The following CACNB4 variants were observed in gnomAD, a reference collection of about 807,000 sequenced individuals.
CACNB4 encodes the protein voltage-dependent L-type calcium channel subunit beta-4.
A neutral mutation model predicts 71.2 loss-of-function variants in CACNB4; 32 were observed. The ratio of observed to expected loss-of-function variants is 0.45; its 90% confidence interval spans 0.34 to 0.60. The LOEUF (loss-of-function observed/expected upper bound fraction) is 0.60. Among genes scored for constraint, CACNB4 ranks in the 20% least tolerant of loss-of-function variants. The pLI, the probability that CACNB4 is intolerant of heterozygous loss-of-function variation, is 0.01. For missense variants in CACNB4, 464 were observed against 647.9 expected (o/e 0.72, Z 3.08); for synonymous variants, 231 against 236.9 (o/e 0.97, Z 0.23).
intron 2 of CACNB4, among the ~76,000 whole-genome samples, chr2:152,014,012 A>T (rs1312341099): frequency 6.6e-6 from 1 of 152,214 alleles, no homozygotes; most frequent in Non-Finnish European, 1.5e-5. Flanking sequence ...ACCCTGTTAC[A>T]TGATGGGATG....
intron 2 of CACNB4, chr2:151,967,918 A>G (rs2099871579): frequency 6.6e-6 from 1 of 152,256 alleles, no homozygotes; most frequent in Non-Finnish European, 1.5e-5. Flanking sequence ...ATTTATAACT[A>G]AAACTATATA....
intron 2 of CACNB4, among the ~76,000 whole-genome samples, chr2:151,964,076 A>AT (rs1176015607): frequency 2.0e-5 from 3 of 151,190 alleles, no homozygotes; most frequent in Non-Finnish European, 4.4e-5. Flanking sequence ...ACAGAAAAAA[A>AT]AAAAAAAAAA....
intron 2 of CACNB4, among the ~76,000 whole-genome samples, chr2:152,018,250 G>T (rs1683457958): frequency 6.6e-6 from 1 of 152,094 alleles, no homozygotes; most frequent in African/African-American, 2.4e-5. Flanking sequence ...CAGAAACACA[G>T]CCAGCAATGA....
Position 152,098,286 on chromosome 2 carries a change from G to C in CACNB4, c.147+44C>G, listed in dbSNP as rs201679653. On this transcript the variant is annotated intron_variant, in intron 2 of 13. Coordinates refer to ENST00000539935, the MANE Select transcript of CACNB4 (RefSeq NM_000726.5). This position sits in a 1 kb window ranked among gnomAD's most constrained non-coding sequence, Gnocchi z 5.3. ...CGGCTCCAGGACCCCCGCGCCGCGC[G>C]CTCGGCCTCCTCCCCATCCTGGTCT... 6.6e-7 allele frequency: 1 copy of C among 1,508,600 alleles called. No homozygotes were observed. Among genetic ancestry groups the C allele is most frequent in the South Asian group, 1.1e-5 (1 of 88,894 alleles). The allele number at this position is 1,508,600 out of a possible 1,614,324, so 93.5% of individuals were successfully genotyped here.
intron 2 of CACNB4, among the ~76,000 whole-genome samples, chr2:151,904,909 G>A (rs1005779732): frequency 1.3e-5 from 2 of 152,132 alleles, no homozygotes; most frequent in African/African-American, 4.8e-5. Flanking sequence ...TTAGCTGTGT[G>A]GTAAGAGAGG....
intron 2 of CACNB4, among the ~76,000 whole-genome samples, chr2:151,887,213 C>G (rs1256890857): frequency 6.6e-6 from 1 of 151,806 alleles, no homozygotes; most frequent in Non-Finnish European, 1.5e-5. Flanking sequence ...TTCTAGCATT[C>G]TATTCATAAA....
Position 151,943,141 on chromosome 2 carries a change from G to A in CACNB4, c.148-59771C>T, listed in dbSNP as rs184043340. Among the ~76,000 whole-genome samples, 392 of 152,260 alleles carry A rather than the reference G, an allele frequency of 2.6e-3. 1 individual carries two copies. Among genetic ancestry groups the A allele is most frequent in the Admixed American group, 5.9e-3 (90 of 15,302 alleles). On this transcript the variant is annotated intron_variant, in intron 2 of 13. Coordinates refer to ENST00000539935, the MANE Select transcript of CACNB4 (RefSeq NM_000726.5). ...ACTTGCTGGTTTGAGGCTTAGGTGGGCATCACGGTCCTACTGATATGTGAT... is the reference window on the plus strand; with the variant it reads ...ACTTGCTGGTTTGAGGCTTAGGTGGACATCACGGTCCTACTGATATGTGAT...
At position 152,098,570 on chromosome 2, in the gene CACNB4, A is replaced by AGCAAACCAC; in HGVS notation, c.64-158_64-157insGTGGTTTGC. On this transcript the variant is annotated intron_variant, in intron 1 of 13. Transcript: ENST00000539935. The surrounding 1 kb of genome is among the most constrained non-coding windows in gnomAD (Gnocchi z 5.3). ...TCCGCGACTCCCAAATACAGCCCCC[A>AGCAAACCAC]CCCCCACCCACCCACTGCAAGCCTC... The AGCAAACCAC allele has an allele frequency of 2.5e-6, 1 of 407,386 alleles. No homozygotes were observed. The highest frequency in any genetic ancestry group is 4.7e-6 in the Non-Finnish European group (1 of 212,558). 25.2% of individuals were successfully genotyped at this position (407,386 alleles called of 1,614,324 possible).
intron 4 of CACNB4, among the ~76,000 whole-genome samples, chr2:151,876,809 T>C: frequency 6.9e-6 from 1 of 145,498 alleles, no homozygotes; most frequent in East Asian, 1.9e-4. Context: ...ATATAAACTA[T>C]ATTATACTAT....
At chr2:151,849,481 G>GCT (rs1339002514) in intron 12 of CACNB4, among the ~76,000 whole-genome samples, 24 of 152,282 alleles carry the variant, frequency 1.6e-4, no homozygotes, top group Non-Finnish European at 2.8e-4. Flanking sequence ...CACAATCACA[G>GCT]CTCAGTGCAG....
chr2:151,871,025 C>T (rs948815842), intron 6 of CACNB4, 164 bp from the exon 7 acceptor site: 14 of 611,606 alleles, frequency 2.3e-5, no homozygotes, highest in African/African-American at 9.3e-5. Flanking sequence ...ATTCTGGACA[C>T]GTCAATTTTG....
chr2:152,077,692 T>C (rs559202320), intron 2 of CACNB4, among the ~76,000 whole-genome samples: 4 of 151,658 alleles, frequency 2.6e-5, no homozygotes, highest in African/African-American at 4.8e-5. Context: ...GATTGTGCCA[T>C]TGCATTCTAG....
At chr2:151,955,028 T>G (rs904468451) in intron 2 of CACNB4, among the ~76,000 whole-genome samples, 5 of 152,010 alleles carry the variant, frequency 3.3e-5, no homozygotes, top group Non-Finnish European at 7.4e-5. Flanking sequence ...TAATTTTTTT[T>G]GTATTTTTAG....
intron 2 of CACNB4, among the ~76,000 whole-genome samples, chr2:151,978,836 C>T (rs542597778): frequency 2.0e-5 from 3 of 152,296 alleles, no homozygotes; most frequent in African/African-American, 4.8e-5. Flanking sequence ...CAGCCTCCTG[C>T]TGCCCTCATA....
chr2:151,860,540 G>A lies in CACNB4; in HGVS notation c.868+171C>T, dbSNP rs1330758558. On this transcript the variant is annotated intron_variant, in intron 10 of 13. Coordinates refer to ENST00000539935, the MANE Select transcript of CACNB4 (RefSeq NM_000726.5). ...TAAAGCTGAGAGACAGCAAGCTCTC[G>A]CTACTGCAAGACTCTGCTGCCTTCT... 13 of 621,810 alleles carry A rather than the reference G, an allele frequency of 2.1e-5. No individual in the cohort carries two copies. In the Admixed American group the frequency reaches 2.4e-4, roughly 12 times the overall value. 38.5% of individuals were successfully genotyped at this position (621,810 alleles called of 1,614,324 possible).
intron 4 of CACNB4, among the ~76,000 whole-genome samples, chr2:151,877,296 T>A (rs2099846685): frequency 6.6e-6 from 1 of 152,124 alleles, no homozygotes; most frequent in Non-Finnish European, 1.5e-5. Flanking sequence ...CAGACAAACA[T>A]CAACAAGTGA....
chr2:151,840,644 T>A (rs2151316448), intron 13 of CACNB4, among the ~76,000 whole-genome samples: 1 of 152,352 alleles, frequency 6.6e-6, no homozygotes, highest in South Asian at 2.1e-4. Flanking sequence ...TCATGTTCAT[T>A]TCTAGTTTCA....
At chr2:151,981,703 CCT>C (rs2099874750) in intron 2 of CACNB4, among the ~76,000 whole-genome samples, 1 of 152,000 alleles carries the variant, frequency 6.6e-6, no homozygotes. Context: ...TTGATATACC[CCT>C]CTTTTGATGC....
chr2:151,953,808 G>C (rs1340578963), intron 2 of CACNB4, among the ~76,000 whole-genome samples: 2 of 152,124 alleles, frequency 1.3e-5, no homozygotes, highest in African/African-American at 4.8e-5. Context: ...AAGTTCCATA[G>C]GTACTTGTGA....
Sources: gnomAD v4.1 joint callset for allele counts (sites outside exome capture counted in the v4.1 genomes callset) on GRCh38, gnomAD v4.1.1 for gene constraint, Gnocchi (gnomAD v3.1) non-coding constraint, MANE v1.5 for transcripts, NCBI Gene and HGNC (gene_info 2026-07-23, HGNC 2026-07-21) for gene names.